The following PLCB4 variants were observed in gnomAD, a reference collection of about 807,000 sequenced individuals.
PLCB4 encodes 1-phosphatidylinositol 4,5-bisphosphate phosphodiesterase beta-4.
In PLCB4, 77 loss-of-function variants were observed where a neutral mutation model predicts 178.8. The ratio of observed to expected loss-of-function variants is 0.43; its 90% confidence interval spans 0.36 to 0.52. PLCB4 has a LOEUF of 0.52. PLCB4 is among the 20% of genes least tolerant of loss of function. The pLI, the probability that PLCB4 is intolerant of heterozygous loss-of-function variation, is 0.00. For synonymous variants in PLCB4, 496 were observed against 490.8 expected, an observed-to-expected ratio of 1.01 and a Z score of -0.14; for missense variants, 1,024 against 1,453.4, an observed-to-expected ratio of 0.70 and a Z score of 4.80.
At chr20:9,389,782 A>C (rs2037986420) in intron 15 of PLCB4, 97 bp from the exon 16 acceptor site, 1 of 658,938 alleles carries the variant, frequency 1.5e-6, no homozygotes, top group Non-Finnish European at 2.7e-6. Context: ...GCTGGAATTG[A>C]CTTTCTGAAA....
chr20:9,196,967 A>T (rs563233463), intron 2 of PLCB4, among the ~76,000 whole-genome samples: 8 of 152,218 alleles, frequency 5.3e-5, no homozygotes, highest in Non-Finnish European at 1.0e-4. Context: ...AGGCAATGTA[A>T]AATGCAAGAA....
intron 35 of PLCB4, among the ~76,000 whole-genome samples, chr20:9,461,497 T>C (rs2043389580): frequency 6.6e-6 from 1 of 152,182 alleles, no homozygotes; most frequent in Non-Finnish European, 1.5e-5. Flanking sequence ...GACTTCCCTT[T>C]CCTAGCCAAA....
intron 17 of PLCB4, 36 bp from the exon 18 acceptor site, chr20:9,393,552 C>T: frequency 1.5e-6 from 2 of 1,369,920 alleles, no homozygotes; most frequent in Non-Finnish European, 2.1e-6. Context: ...AGAAGCACAG[C>T]CCTTCCTTAA....
chr20:9,453,282 C>A, intron 32 of PLCB4, 65 bp from the exon 33 acceptor site: 2 of 905,946 alleles, frequency 2.2e-6, no homozygotes, highest in Non-Finnish European at 1.8e-6. Flanking sequence ...GAAAGTTATG[C>A]CAGCCCTATA....
At chr20:9,245,546 G>C (rs1232520017) in intron 3 of PLCB4, among the ~76,000 whole-genome samples, 1 of 152,130 alleles carries the variant, frequency 6.6e-6, no homozygotes, top group Non-Finnish European at 1.5e-5. Flanking sequence ...AAAGAGGAGA[G>C]GGTGATATTA....
At chr20:9,431,586 C>T (rs1307202958) in intron 28 of PLCB4, among the ~76,000 whole-genome samples, 1 of 152,082 alleles carries the variant, frequency 6.6e-6, no homozygotes, top group African/African-American at 2.4e-5. Context: ...CTGCCTCAGC[C>T]TCCCGAGTAG....
At chr20:9,462,541 A>G (rs1008226579) in intron 35 of PLCB4, among the ~76,000 whole-genome samples, 2 of 152,320 alleles carry the variant, frequency 1.3e-5, no homozygotes, top group Non-Finnish European at 2.9e-5. Flanking sequence ...TGAATGGATA[A>G]CTATAATAAA....
intron 2 of PLCB4, among the ~76,000 whole-genome samples, chr20:9,162,905 G>A (rs1033226674): frequency 6.6e-6 from 1 of 152,114 alleles, no homozygotes; most frequent in Admixed American, 6.5e-5. Context: ...CTTTCCGGGG[G>A]TATGCTGGTA....
At chr20:9,235,264 G>A (rs551014858) in intron 3 of PLCB4, among the ~76,000 whole-genome samples, 1 of 152,254 alleles carries the variant, frequency 6.6e-6, no homozygotes, top group South Asian at 2.1e-4. Context: ...AGGAAGTACA[G>A]TTGCTGGTGA....
intron 3 of PLCB4, among the ~76,000 whole-genome samples, chr20:9,217,937 T>C (rs1329283865): frequency 6.6e-6 from 1 of 152,222 alleles, no homozygotes; most frequent in Non-Finnish European, 1.5e-5. Context: ...GCTCCCCTAA[T>C]GGTTCATTTT....
chr20:9,265,646 G>A (rs561476722), intron 3 of PLCB4, among the ~76,000 whole-genome samples: 1 of 152,216 alleles, frequency 6.6e-6, no homozygotes, highest in South Asian at 2.1e-4. Flanking sequence ...AATCTTTCTG[G>A]TGCTGTTTCC....
chr20:9,147,965 A>G (rs996569703), intron 2 of PLCB4, among the ~76,000 whole-genome samples: 2 of 152,140 alleles, frequency 1.3e-5, no homozygotes, highest in Non-Finnish European at 2.9e-5. Context: ...ACTTTTCTCC[A>G]TGCCATGGCC....
At chr20:9,203,611 G>GT (rs2093577711) in intron 2 of PLCB4, among the ~76,000 whole-genome samples, 1 of 152,096 alleles carries the variant, frequency 6.6e-6, no homozygotes, top group South Asian at 2.1e-4. Context: ...CACTTTTCGT[G>GT]TATTATTCCA....
chr20:9,391,425 C>A (rs1016250354), intron 17 of PLCB4, among the ~76,000 whole-genome samples: 1 of 152,122 alleles, frequency 6.6e-6, no homozygotes, highest in Non-Finnish European at 1.5e-5. Context: ...GACAGCAGCA[C>A]CTGATGGGCT....
At chr20:9,293,622 T>TATTCATTCATTCATTC (rs4053132) in intron 3 of PLCB4, among the ~76,000 whole-genome samples, 2,404 of 150,844 alleles carry the variant, frequency 0.016, 15 homozygotes, top group African/African-American at 0.018. Flanking sequence ...CAGAGTAAAA[T>TATTCATTCATTCATTC]ATTCATTCAT....
At chr20:9,197,077 G>A (rs2093480825) in intron 2 of PLCB4, among the ~76,000 whole-genome samples, 1 of 152,208 alleles carries the variant, frequency 6.6e-6, no homozygotes, top group Non-Finnish European at 1.5e-5. Flanking sequence ...ACATTAATGG[G>A]TGAAATGCCT....
At chr20:9,386,445 TG>T (rs1445258301) in intron 14 of PLCB4, among the ~76,000 whole-genome samples, 3 of 152,194 alleles carry the variant, frequency 2.0e-5, no homozygotes, top group Non-Finnish European at 4.4e-5. Flanking sequence ...AGTTACATTA[TG>T]TTTTTTTCTT....
At chr20:9,088,354 A>G (rs11698724) in intron 1 of PLCB4, among the ~76,000 whole-genome samples, 19,486 of 152,106 alleles carry the variant, frequency 0.13, 1,305 homozygotes, top group Middle Eastern at 0.19. Flanking sequence ...ATATACAAGG[A>G]ACTCATCATA....
chr20:9,272,181 A>C (rs1345215899), intron 3 of PLCB4, among the ~76,000 whole-genome samples: 1 of 144,806 alleles, frequency 6.9e-6, no homozygotes. Context: ...CTGCCCACGC[A>C]CCCCCCTCAA....
Sources: gnomAD v4.1 joint callset for allele counts (sites outside exome capture counted in the v4.1 genomes callset) on GRCh38, gnomAD v4.1.1 for gene constraint, MANE v1.5 for transcripts, NCBI Gene and HGNC (gene_info 2026-07-23, HGNC 2026-07-21) for gene names.